Variants in FRMD6 observed in about 807,000 individuals in gnomAD.
The protein encoded by FRMD6 is FERM domain containing 6, also known as FERM domain-containing protein 6.
FRMD6 carries 37 observed loss-of-function variants against 73.2 expected under a neutral mutation model. The observed-to-expected ratio is 0.51, with a 90% CI of 0.39 to 0.66. The LOEUF (loss-of-function observed/expected upper bound fraction) is 0.66, where lower values mean the gene tolerates loss of function less well. Among genes scored for constraint, FRMD6 ranks in the 30% least tolerant of loss-of-function variants. The pLI, the probability that FRMD6 is intolerant of heterozygous loss-of-function variation, is 0.00. For synonymous variants in FRMD6, 273 were observed against 282.2 expected (o/e 0.97, Z 0.33); for missense variants, 714 against 780.5 (o/e 0.91, Z 1.02).
chr14:51,612,801 A>G (rs1396795538), intron 2 of FRMD6, among the ~76,000 whole-genome samples: 2 of 152,222 alleles, frequency 1.3e-5, no homozygotes, highest in Admixed American at 6.5e-5. Context: ...ATAAACCCCT[A>G]CCAGTTCTCA....
At chr14:51,433,648 G>A in the FRMD6 span, among the ~76,000 whole-genome samples, 3 of 152,200 alleles carry the variant, frequency 2.0e-5, no homozygotes, top group South Asian at 4.1e-4. Flanking sequence ...CAGGAGTAAC[G>A]AGATTGGTTA....
intron 2 of FRMD6, among the ~76,000 whole-genome samples, chr14:51,592,294 T>TC (rs1163834745): frequency 1.3e-5 from 2 of 152,210 alleles, no homozygotes; most frequent in African/African-American, 4.8e-5. Context: ...AAAATATTGT[T>TC]AGGATGCCTT....
the FRMD6 span, among the ~76,000 whole-genome samples, chr14:51,455,241 T>G: frequency 2.6e-5 from 4 of 152,214 alleles, no homozygotes; most frequent in Non-Finnish European, 5.9e-5. Context: ...ATTATGAAAC[T>G]ATTTTGTCAA....
At chr14:51,545,571 A>G (rs1387957182) in intron 1 of FRMD6, among the ~76,000 whole-genome samples, 4 of 152,208 alleles carry the variant, frequency 2.6e-5, no homozygotes, top group African/African-American at 7.2e-5. Flanking sequence ...TCAACTGTCA[A>G]TCTGGCTTCC....
the FRMD6 span, among the ~76,000 whole-genome samples, chr14:51,472,311 A>T: frequency 6.6e-6 from 1 of 151,630 alleles, no homozygotes; most frequent in Non-Finnish European, 1.5e-5. Context: ...TTATAATAAT[A>T]ATTATTTTTT....
intron 2 of FRMD6, among the ~76,000 whole-genome samples, chr14:51,627,706 C>G (rs939277629): frequency 6.6e-6 from 1 of 152,214 alleles, no homozygotes; most frequent in African/African-American, 2.4e-5. Flanking sequence ...TCCCTGTGCT[C>G]TCTCTTTGGC....
chr14:51,669,170 T>G (rs1288840449), intron 1 of FRMD6, among the ~76,000 whole-genome samples: 1 of 152,256 alleles, frequency 6.6e-6, no homozygotes, highest in Non-Finnish European at 1.5e-5. Flanking sequence ...TAGATGCTTT[T>G]GTATCTGGCC....
At chr14:51,691,770 A>G (rs1307090776) in intron 2 of FRMD6, among the ~76,000 whole-genome samples, 2 of 150,314 alleles carry the variant, frequency 1.3e-5, no homozygotes, top group East Asian at 3.9e-4. Context: ...AATTTTTGTA[A>G]TTTTAGTAGA....
chr14:51,677,058 A>G (rs772925888), intron 1 of FRMD6, among the ~76,000 whole-genome samples: 6 of 151,960 alleles, frequency 3.9e-5, no homozygotes, highest in Non-Finnish European at 5.9e-5. Flanking sequence ...GCACTTGTTA[A>G]TGTGTAGCTG....
At chr14:51,612,669 G>A (rs1439056216) in intron 2 of FRMD6, among the ~76,000 whole-genome samples, 1 of 152,146 alleles carries the variant, frequency 6.6e-6, no homozygotes, top group Non-Finnish European at 1.5e-5. Context: ...GCTCATCATG[G>A]AATAAGAGGG....
At chr14:51,703,439 CA>C (rs1896444788) in intron 5 of FRMD6, among the ~76,000 whole-genome samples, 1 of 151,690 alleles carries the variant, frequency 6.6e-6, no homozygotes, top group Non-Finnish European at 1.5e-5. Context: ...ATGCCAGATG[CA>C]AATTAAAAAG....
chr14:51,575,369 G>A (rs1253784728), intron 2 of FRMD6, among the ~76,000 whole-genome samples: 1 of 152,188 alleles, frequency 6.6e-6, no homozygotes, highest in Non-Finnish European at 1.5e-5. Context: ...AGAGAGCCTT[G>A]TCTGTGCTCC....
chr14:51,653,152 C>G (rs918720765), intron 1 of FRMD6, among the ~76,000 whole-genome samples: 1 of 152,224 alleles, frequency 6.6e-6, no homozygotes, highest in South Asian at 2.1e-4. Context: ...CCAGCCTGTG[C>G]TCTCCAGCAT....
chr14:51,694,592 A>G (rs1404943688), intron 2 of FRMD6, among the ~76,000 whole-genome samples: 3 of 152,138 alleles, frequency 2.0e-5, no homozygotes, highest in African/African-American at 7.2e-5. Flanking sequence ...TGGAAGGCAG[A>G]GGTAGCAGGA....
At chr14:51,636,435 C>T (rs188682609) in intron 2 of FRMD6, among the ~76,000 whole-genome samples, 1 of 152,212 alleles carries the variant, frequency 6.6e-6, no homozygotes, top group Non-Finnish European at 1.5e-5. Flanking sequence ...ATATTCCTGC[C>T]GTAAAGTTCT....
intron 9 of FRMD6, chr14:51,713,757 A>G (rs139503368): frequency 6.6e-6 from 1 of 152,320 alleles, no homozygotes; most frequent in East Asian, 1.9e-4. Flanking sequence ...TATACATTAC[A>G]TGGGGCCTAA....
At chr14:51,468,567 CT>C in the FRMD6 span, among the ~76,000 whole-genome samples, 90 of 151,856 alleles carry the variant, frequency 5.9e-4, no homozygotes, top group African/African-American at 2.0e-3. Context: ...CATAATTTTC[CT>C]TTTTCTTAAA....
chr14:51,551,110 A>C (rs1307047616), intron 1 of FRMD6, among the ~76,000 whole-genome samples: 1 of 151,992 alleles, frequency 6.6e-6, no homozygotes, highest in Non-Finnish European at 1.5e-5. Flanking sequence ...CACCCACTAG[A>C]TCCTCCATTT....
At chr14:51,450,684 T>C in the FRMD6 span, among the ~76,000 whole-genome samples, 5 of 152,206 alleles carry the variant, frequency 3.3e-5, no homozygotes, top group East Asian at 9.6e-4. Flanking sequence ...GATCTCATGA[T>C]TTTTAAACAT....
Sources: gnomAD v4.1 joint callset for allele counts (sites outside exome capture counted in the v4.1 genomes callset) on GRCh38, gnomAD v4.1.1 for gene constraint, MANE v1.5 for transcripts, NCBI Gene and HGNC (gene_info 2026-07-23, HGNC 2026-07-21) for gene names.